The following LYPLAL1 variants were observed in gnomAD, a reference collection of about 807,000 sequenced individuals.
LYPLAL1 encodes lysophospholipase-like protein 1.
A neutral mutation model predicts 19.7 loss-of-function variants in LYPLAL1; 23 were observed. The ratio of observed to expected loss-of-function variants is 1.17; its 90% CI spans 0.84 to 1.65. The LOEUF is 1.65. Ranked by LOEUF, LYPLAL1 falls within the 40% of genes most tolerant of loss-of-function variation. The pLI is 0.00. For synonymous variants in LYPLAL1, 119 were observed against 96.3 expected (o/e 1.24, Z -1.38); for missense variants, 355 against 279.4 (o/e 1.27, Z -1.93).
the LYPLAL1 span, among the ~76,000 whole-genome samples, chr1:219,440,947 G>T: frequency 6.6e-6 from 1 of 152,144 alleles, no homozygotes; most frequent in Non-Finnish European, 1.5e-5. Flanking sequence ...CACCATTTAT[G>T]AAGTTGACTT....
the LYPLAL1 span, among the ~76,000 whole-genome samples, chr1:219,445,134 G>A: frequency 2.3e-4 from 35 of 151,062 alleles, no homozygotes; most frequent in African/African-American, 8.0e-4. Context: ...TCTGACTCAT[G>A]TTCTACTTTA....
chr1:219,343,925 G>T, the LYPLAL1 span, among the ~76,000 whole-genome samples: 1 of 151,816 alleles, frequency 6.6e-6, no homozygotes, highest in Non-Finnish European at 1.5e-5. Flanking sequence ...TCCTAAAGGT[G>T]GTATCTCCAC....
chr1:219,210,379 G>T (rs1264525145), intron 3 of LYPLAL1, 153 bp from the exon 4 acceptor site: 1 of 491,660 alleles, frequency 2.0e-6, no homozygotes, highest in African/African-American at 2.0e-5. Context: ...GTTATCGCAG[G>T]CCTTTGTCTG....
At chr1:219,313,499 C>T in the LYPLAL1 span, among the ~76,000 whole-genome samples, 420 of 148,956 alleles carry the variant, frequency 2.8e-3, 2 homozygotes, top group African/African-American at 9.7e-3. Flanking sequence ...TAGCATCTTA[C>T]GTTTTCAGAG....
At chr1:219,201,761 A>G (rs1658121767) in intron 3 of LYPLAL1, among the ~76,000 whole-genome samples, 1 of 152,190 alleles carries the variant, frequency 6.6e-6, no homozygotes, top group Non-Finnish European at 1.5e-5. Context: ...ATAAATCTTC[A>G]CTAAGTTTTA....
At chr1:219,346,150 G>A in the LYPLAL1 span, among the ~76,000 whole-genome samples, 3 of 152,172 alleles carry the variant, frequency 2.0e-5, no homozygotes, top group African/African-American at 7.2e-5. Flanking sequence ...AGGCTTTATT[G>A]GGGTGCTGCA....
chr1:219,210,716 CG>C, intron 4 of LYPLAL1, 69 bp downstream of exon 4: 3 of 1,423,474 alleles, frequency 2.1e-6, no homozygotes, highest in Non-Finnish European at 1.9e-6. Context: ...AAAGCAAAAT[CG>C]GTAATAAAGC....
chr1:219,326,390 A>G, the LYPLAL1 span, among the ~76,000 whole-genome samples: 1 of 152,154 alleles, frequency 6.6e-6, no homozygotes, highest in Non-Finnish European at 1.5e-5. Context: ...AAATTGCAAT[A>G]CTGGCAGGGC....
chr1:219,410,735 C>T, the LYPLAL1 span, among the ~76,000 whole-genome samples: 33,191 of 152,122 alleles, frequency 0.22, 3,767 homozygotes, highest in East Asian at 0.27. Flanking sequence ...TGGTGGGCCC[C>T]GCACTCGGAG....
downstream of LYPLAL1, chr1:219,212,964 C>T (rs568464695): frequency 2.4e-4 from 36 of 152,104 alleles, no homozygotes; most frequent in African/African-American, 8.4e-4. Context: ...CAAGAAATAG[C>T]CAACTCTTTG....
At chr1:219,375,236 G>A in the LYPLAL1 span, among the ~76,000 whole-genome samples, 3 of 152,132 alleles carry the variant, frequency 2.0e-5, no homozygotes, top group Non-Finnish European at 2.9e-5. Flanking sequence ...GGAGGCCAAG[G>A]CAGGCAGATC....
At chr1:219,233,586 A>G in the LYPLAL1 span, among the ~76,000 whole-genome samples, 1 of 152,124 alleles carries the variant, frequency 6.6e-6, no homozygotes, top group Non-Finnish European at 1.5e-5. Flanking sequence ...TGGGCAACAT[A>G]GGGAGAACTT....
At chr1:219,365,956 A>T in the LYPLAL1 span, among the ~76,000 whole-genome samples, 1 of 152,178 alleles carries the variant, frequency 6.6e-6, no homozygotes. Flanking sequence ...TATCAAGATG[A>T]TTGACTATCT....
At chr1:219,260,240 G>A in the LYPLAL1 span, among the ~76,000 whole-genome samples, 1 of 151,622 alleles carries the variant, frequency 6.6e-6, no homozygotes, top group Admixed American at 6.6e-5. Flanking sequence ...ATTAAGATTG[G>A]TATTAAAGAA....
the LYPLAL1 span, among the ~76,000 whole-genome samples, chr1:219,243,915 A>G: frequency 3.4e-5 from 3 of 87,656 alleles, no homozygotes; most frequent in Admixed American, 1.5e-4. Flanking sequence ...GCAAAACTCC[A>G]TCTCAAAAAA....
chr1:219,410,718 G>A, the LYPLAL1 span, among the ~76,000 whole-genome samples: 4 of 152,238 alleles, frequency 2.6e-5, no homozygotes, highest in African/African-American at 9.6e-5. Context: ...CCTGGTGGGC[G>A]TGGGCTTGGT....
chr1:219,241,982 T>G, the LYPLAL1 span, among the ~76,000 whole-genome samples: 8 of 152,242 alleles, frequency 5.3e-5, no homozygotes, highest in African/African-American at 1.9e-4. Flanking sequence ...TGTTACTGGC[T>G]TTCTGTGGCC....
chr1:219,443,785 G>A, the LYPLAL1 span, among the ~76,000 whole-genome samples: 1 of 152,074 alleles, frequency 6.6e-6, no homozygotes, highest in Non-Finnish European at 1.5e-5. Context: ...ACTTAAGAAA[G>A]GTTAACAAAA....
At chr1:219,266,169 T>C in the LYPLAL1 span, among the ~76,000 whole-genome samples, 1 of 152,188 alleles carries the variant, frequency 6.6e-6, no homozygotes, top group Non-Finnish European at 1.5e-5. Context: ...TTGACTCTTT[T>C]GTAATGACAT....
Sources: allele counts gnomAD v4.1 joint callset (sites outside exome capture counted in the v4.1 genomes callset), GRCh38; gene constraint gnomAD v4.1.1; transcripts MANE v1.5; gene names NCBI Gene and HGNC (gene_info 2026-07-23, HGNC 2026-07-21).